The following ASCC3 variants were observed in gnomAD, a reference collection of about 807,000 sequenced individuals.
ASCC3 encodes the protein activating signal cointegrator 1 complex subunit 3.
Under a neutral mutation model 256.3 loss-of-function variants are expected in ASCC3, and 158 were observed. The observed-to-expected ratio is 0.62, with a 90% CI of 0.54 to 0.70. The LOEUF (loss-of-function observed/expected upper bound fraction) is 0.70, where lower values mean the gene tolerates loss of function less well. Ranked by LOEUF, ASCC3 falls within the 30% of genes least tolerant of loss-of-function variation. The probability of loss-of-function intolerance (pLI) is 0.00; values close to 1 mark genes in which losing one functional copy is unlikely to be tolerated. For missense variants in ASCC3, 2,259 were observed against 2,626.0 expected (o/e 0.86, Z 3.05); for synonymous variants, 948 against 883.4 (o/e 1.07, Z -1.30).
At chr6:100,835,280 T>C (rs147219893) in intron 4 of ASCC3, among the ~76,000 whole-genome samples, 1 of 152,182 alleles carries the variant, frequency 6.6e-6, no homozygotes, top group Non-Finnish European at 1.5e-5. Flanking sequence ...TTTAGATTGA[T>C]GTAATACAAT....
chr6:100,589,496 T>C (rs1771876946), intron 36 of ASCC3, 138 bp downstream of exon 36: 4 of 922,142 alleles, frequency 4.3e-6, no homozygotes, highest in African/African-American at 3.3e-5. Flanking sequence ...TTAGTCTAGA[T>C]GTGTTGCTTT....
intron 13 of ASCC3, among the ~76,000 whole-genome samples, chr6:100,709,721 A>G (rs1778779949): frequency 6.6e-6 from 1 of 152,210 alleles, no homozygotes; most frequent in Non-Finnish European, 1.5e-5. Flanking sequence ...TGGTATAATT[A>G]TAATTTAGTA....
chr6:100,530,691 G>T (rs952640529), intron 37 of ASCC3: 40 of 920,630 alleles, frequency 4.3e-5, no homozygotes, highest in Non-Finnish European at 6.2e-5. Flanking sequence ...AAAACTAAAG[G>T]CCCAGATACC....
chr6:100,806,805 T>A (rs1025931773), intron 4 of ASCC3, among the ~76,000 whole-genome samples: 1 of 151,940 alleles, frequency 6.6e-6, no homozygotes, highest in African/African-American at 2.4e-5. Context: ...AATGAATTAT[T>A]AAGAATAGTC....
At chr6:100,836,779 C>T (rs940133452) in intron 4 of ASCC3, among the ~76,000 whole-genome samples, 5 of 152,088 alleles carry the variant, frequency 3.3e-5, no homozygotes, top group African/African-American at 1.2e-4. Flanking sequence ...GAAGTATCCA[C>T]TCCTCTTCAA....
Position 100,606,730 on chromosome 6 carries a change from A to G in ASCC3, c.5044+10T>C, listed in dbSNP as rs75836891. 33,902 of 1,588,034 alleles carry G rather than the reference A, an allele frequency of 0.021. 447 individuals are homozygous for G. Among genetic ancestry groups the G allele is most frequent in the African/African-American group, 0.056 (4,078 of 73,474 alleles). On this transcript the variant is annotated intron_variant, in intron 32 of 41. Transcript: ENST00000369162. Reference sequence around the variant, plus strand: ...AGCTTCATGTATTTCTGTGAATTTAAGAAAATTACCTGTAATGGGAAAATC... The same window carrying G: ...AGCTTCATGTATTTCTGTGAATTTAGGAAAATTACCTGTAATGGGAAAATC...
At chr6:100,587,076 TATA>T (rs1488608107) in intron 36 of ASCC3, among the ~76,000 whole-genome samples, 9 of 152,152 alleles carry the variant, frequency 5.9e-5, no homozygotes, top group Non-Finnish European at 8.8e-5. Flanking sequence ...TCTTAAGTAT[TATA>T]ATAACAAAAG....
intron 37 of ASCC3, among the ~76,000 whole-genome samples, chr6:100,533,708 G>A (rs148215329): frequency 3.3e-5 from 5 of 152,164 alleles, no homozygotes; most frequent in Admixed American, 1.3e-4. Flanking sequence ...GGAAAGTTTT[G>A]AAATAAATAC....
At chr6:100,583,591 G>A (rs1029698560) in intron 36 of ASCC3, among the ~76,000 whole-genome samples, 5 of 152,112 alleles carry the variant, frequency 3.3e-5, no homozygotes, top group African/African-American at 1.2e-4. Context: ...ATTTCCTTGA[G>A]TTCTACTCTG....
chr6:100,634,878 A>AG (rs967013823), intron 25 of ASCC3, among the ~76,000 whole-genome samples: 2 of 147,564 alleles, frequency 1.4e-5, no homozygotes, highest in African/African-American at 4.9e-5. Flanking sequence ...AAAAAAAAAA[A>AG]AAAAGAAAAG....
chr6:100,574,913 G>A (rs912014716), intron 36 of ASCC3, among the ~76,000 whole-genome samples: 1 of 152,052 alleles, frequency 6.6e-6, no homozygotes, highest in Non-Finnish European at 1.5e-5. Context: ...GGACAACATG[G>A]AAGGTCTCAA....
At chr6:100,830,809 G>C (rs1237938833) in intron 4 of ASCC3, among the ~76,000 whole-genome samples, 1 of 152,162 alleles carries the variant, frequency 6.6e-6, no homozygotes, top group Non-Finnish European at 1.5e-5. Context: ...AAGCAACTAA[G>C]TTATGGGAAC....
chr6:100,648,415 C>A (rs1394794201), intron 20 of ASCC3, among the ~76,000 whole-genome samples: 1 of 151,906 alleles, frequency 6.6e-6, no homozygotes, highest in Non-Finnish European at 1.5e-5. Context: ...ACAAGAGATA[C>A]AAAACTGAAA....
At chr6:100,643,749 A>G (rs960660116) in intron 23 of ASCC3, among the ~76,000 whole-genome samples, 3 of 152,242 alleles carry the variant, frequency 2.0e-5, no homozygotes, top group African/African-American at 7.2e-5. Flanking sequence ...TTATAATCTT[A>G]TGGGACCACT....
At chr6:100,650,318 AC>A (rs1302961923) in intron 20 of ASCC3, among the ~76,000 whole-genome samples, 1 of 151,630 alleles carries the variant, frequency 6.6e-6, no homozygotes, top group Non-Finnish European at 1.5e-5. Flanking sequence ...CATCAACATC[AC>A]CAAAAAAAGC....
At chr6:100,840,330 TC>T (rs1385105572) in intron 4 of ASCC3, among the ~76,000 whole-genome samples, 1 of 151,380 alleles carries the variant, frequency 6.6e-6, no homozygotes, top group African/African-American at 2.4e-5. Context: ...AGCATAAGAG[TC>T]TTTTTGTTTT....
At chr6:100,579,780 C>T (rs962698942) in intron 36 of ASCC3, among the ~76,000 whole-genome samples, 2 of 151,998 alleles carry the variant, frequency 1.3e-5, no homozygotes, top group African/African-American at 4.8e-5. Context: ...CAGCTTGGTT[C>T]CTTTTGTTTA....
intron 10 of ASCC3, among the ~76,000 whole-genome samples, chr6:100,741,089 C>T (rs1197833432): frequency 6.6e-6 from 1 of 152,194 alleles, no homozygotes; most frequent in Non-Finnish European, 1.5e-5. Context: ...GTGATGAATT[C>T]CCTCAGCATT....
At chr6:100,622,305 G>A (rs1026051791) in intron 30 of ASCC3, among the ~76,000 whole-genome samples, 4 of 152,212 alleles carry the variant, frequency 2.6e-5, no homozygotes, top group African/African-American at 9.6e-5. Flanking sequence ...CATGGGGGCC[G>A]TTTCCCCGAT....
Sources: allele counts gnomAD v4.1 joint callset (sites outside exome capture counted in the v4.1 genomes callset), GRCh38; gene constraint gnomAD v4.1.1; transcripts MANE v1.5; gene names NCBI Gene and HGNC (gene_info 2026-07-23, HGNC 2026-07-21).